The following NBAS variants were observed in gnomAD, a reference collection of about 807,000 sequenced individuals.
NBAS encodes the protein NAG/BC035112 fusion.
NBAS carries 219 observed loss-of-function variants against 302.5 expected under a neutral mutation model. That is an observed-to-expected ratio of 0.72 (90% CI 0.65 to 0.81). NBAS has a LOEUF of 0.81. Ranked by LOEUF, NBAS falls within the 30% of genes least tolerant of loss-of-function variation. NBAS has a pLI of 0.00. For missense variants in NBAS, 2,932 were observed against 2,841.6 expected (o/e 1.03, Z -0.72); for synonymous variants, 1,118 against 1,021.6 (o/e 1.09, Z -1.80).
At chr2:14,971,493 C>T in the NBAS span, among the ~76,000 whole-genome samples, 610 of 152,072 alleles carry the variant, frequency 4.0e-3, 3 homozygotes, top group African/African-American at 0.013. Flanking sequence ...CCAGCCTGGG[C>T]GACAGAGCGA....
intron 6 of NBAS, among the ~76,000 whole-genome samples, chr2:15,548,240 G>A (rs1342285950): frequency 6.6e-6 from 1 of 152,182 alleles, no homozygotes; most frequent in Non-Finnish European, 1.5e-5. Flanking sequence ...CGATGTGTCA[G>A]GCACCGTGCT....
chr2:14,964,772 T>C, the NBAS span, among the ~76,000 whole-genome samples: 3 of 152,232 alleles, frequency 2.0e-5, no homozygotes, highest in Admixed American at 1.3e-4. Context: ...CTGGTCAGGA[T>C]AGAATACATT....
chr2:14,853,998 A>T, the NBAS span, among the ~76,000 whole-genome samples: 6 of 146,048 alleles, frequency 4.1e-5, no homozygotes, highest in East Asian at 1.2e-3. Context: ...GGTGCAGCGC[A>T]CCAGCATGGC....
the NBAS span, among the ~76,000 whole-genome samples, chr2:14,832,950 C>A: frequency 6.6e-6 from 1 of 152,064 alleles, no homozygotes; most frequent in Non-Finnish European, 1.5e-5. Flanking sequence ...AGTTATGACT[C>A]CCATGGCACA....
chr2:15,110,483 A>C, the NBAS span, among the ~76,000 whole-genome samples: 1 of 152,208 alleles, frequency 6.6e-6, no homozygotes, highest in African/African-American at 2.4e-5. Flanking sequence ...GATGGACAGC[A>C]AGAACAAAGA....
At chr2:15,311,341 AG>A (rs1350474371) in intron 38 of NBAS, among the ~76,000 whole-genome samples, 1 of 152,216 alleles carries the variant, frequency 6.6e-6, no homozygotes, top group Non-Finnish European at 1.5e-5. Flanking sequence ...GACTAAATGA[AG>A]TAAAGTATGC....
chr2:15,560,662 C>T (rs1176384361), intron 1 of NBAS, among the ~76,000 whole-genome samples: 2 of 151,978 alleles, frequency 1.3e-5, no homozygotes, highest in Non-Finnish European at 1.5e-5. Flanking sequence ...GCGATCCAGC[C>T]CCCAGTATGG....
At chr2:15,373,132 A>G (rs7587257) in intron 31 of NBAS, among the ~76,000 whole-genome samples, 85,364 of 151,954 alleles carry the variant, frequency 0.56, 25,790 homozygotes, top group Non-Finnish European at 0.68. Flanking sequence ...AATTGAAAAA[A>G]GTAAACCTGA....
intron 7 of NBAS, among the ~76,000 whole-genome samples, chr2:15,537,575 C>CAAG (rs1663578843): frequency 6.6e-6 from 1 of 152,132 alleles, no homozygotes; most frequent in Non-Finnish European, 1.5e-5. Context: ...GTCAGGAGTC[C>CAAG]AAGACCCAGC....
intron 50 of NBAS, among the ~76,000 whole-genome samples, chr2:15,184,780 T>C (rs1664998581): frequency 6.6e-6 from 1 of 152,184 alleles, no homozygotes; most frequent in Non-Finnish European, 1.5e-5. Flanking sequence ...ATTAGCTAGC[T>C]GGTGAGATGA....
chr2:14,809,565 T>C, the NBAS span, among the ~76,000 whole-genome samples: 4 of 152,224 alleles, frequency 2.6e-5, no homozygotes, highest in Non-Finnish European at 4.4e-5. Flanking sequence ...TGTATGGAAA[T>C]GCCTGGATGC....
At chr2:15,190,552 C>A in intron 48 of NBAS, 149 bp from the exon 49 acceptor site, 1 of 892,314 alleles carries the variant, frequency 1.1e-6, no homozygotes, top group Non-Finnish European at 1.7e-6. Context: ...ACCTCAAAAG[C>A]TCTAAGCCTT....
At position 15,234,682 on chromosome 2, in the gene NBAS, A is replaced by G. The variant is rs143223605; in HGVS notation, c.6009T>C (p.Asp2003=). 16 of 1,614,196 alleles carry G rather than the reference A, an allele frequency of 9.9e-6. No individual in the cohort carries two copies. The East Asian group carries it at 3.6e-4, about 36-fold the overall frequency. The change falls in exon 46 of 52, where the codon GAT becomes GAC. Residue 2003 remains aspartate, a synonymous_variant. Coordinates refer to ENST00000281513, the MANE Select transcript of NBAS (RefSeq NM_015909.4). ...LSRSEKEKLH[D]EAVAICLDGQ... is the part of the protein sequence containing the mutation. ...CATCTAAACAAATAGCCACAGCTTC[A>G]TCATGAAGTTTCTCTTTTTCTGATC...
chr2:15,147,206 T>TG, the NBAS span, among the ~76,000 whole-genome samples: 1 of 152,150 alleles, frequency 6.6e-6, no homozygotes, highest in African/African-American at 2.4e-5. Context: ...TTTCTAGGAA[T>TG]GGAGGCTGGT....
chr2:14,974,298 T>C, the NBAS span, among the ~76,000 whole-genome samples: 1 of 152,216 alleles, frequency 6.6e-6, no homozygotes, highest in South Asian at 2.1e-4. Flanking sequence ...AATGAATAAA[T>C]GAAAGCTTTA....
chr2:15,497,570 G>T (rs1681115827), intron 11 of NBAS, among the ~76,000 whole-genome samples: 1 of 152,122 alleles, frequency 6.6e-6, no homozygotes. Flanking sequence ...AAAATGAGAA[G>T]CTATCAGAGT....
At chr2:15,544,950 G>A (rs909296341) in intron 6 of NBAS, among the ~76,000 whole-genome samples, 4 of 151,906 alleles carry the variant, frequency 2.6e-5, no homozygotes, top group Non-Finnish European at 5.9e-5. Context: ...GGTGGAGGTC[G>A]CAGTGAGCCA....
chr2:15,098,580 A>ATTGTATATAATATG, the NBAS span, among the ~76,000 whole-genome samples: 1 of 112,394 alleles, frequency 8.9e-6, no homozygotes, highest in Non-Finnish European at 1.7e-5. Flanking sequence ...TATATAATGT[A>ATTGTATATAATATG]TTATATATTA....
At chr2:15,186,048 T>A (rs1665060107) in intron 50 of NBAS, among the ~76,000 whole-genome samples, 1 of 151,642 alleles carries the variant, frequency 6.6e-6, no homozygotes, top group African/African-American at 2.4e-5. Context: ...TACTTTAGAA[T>A]GTTCTCCCTC....
Sources: gnomAD v4.1 joint callset for allele counts (sites outside exome capture counted in the v4.1 genomes callset) on GRCh38, gnomAD v4.1.1 for gene constraint, MANE v1.5 for transcripts, NCBI Gene and HGNC (gene_info 2026-07-23, HGNC 2026-07-21) for gene names.